Variants in JAM2 observed in about 807,000 individuals in gnomAD.
JAM2 encodes junctional adhesion molecule 2.
Under a neutral mutation model 42.0 loss-of-function variants are expected in JAM2, and 17 were observed. The ratio of observed to expected loss-of-function variants is 0.40; its 90% CI spans 0.28 to 0.61. The LOEUF is 0.61. JAM2 is among the 20% of genes least tolerant of loss of function. The pLI is 0.37. For missense variants in JAM2, 319 were observed against 358.3 expected (o/e 0.89, Z 0.89); for synonymous variants, 118 against 128.6 (o/e 0.92, Z 0.56).
At chr21:25,652,132 T>C (rs2069832112) in intron 1 of JAM2, among the ~76,000 whole-genome samples, 1 of 152,160 alleles carries the variant, frequency 6.6e-6, no homozygotes, top group African/African-American at 2.4e-5. Flanking sequence ...ACACTTGTAA[T>C]CCCCATACTT....
Position 25,698,663 on chromosome 21 carries a change from C to T in JAM2, c.395-14C>T. On this transcript the variant is annotated splice_polypyrimidine_tract_variant and intron_variant, in intron 4 of 9. Transcript: ENST00000480456. ...CTTATAAATAATCAATATCATTTGA[C>T]TTCCATTGTTCAGTGGCTCCAGCAG... 1 of 1,607,168 alleles carries T rather than the reference C, an allele frequency of 6.2e-7. No individual in the cohort carries two copies. The highest frequency in any genetic ancestry group is 1.1e-5 in the South Asian group (1 of 90,444).
intron 1 of JAM2, among the ~76,000 whole-genome samples, chr21:25,678,792 A>G (rs2033559273): frequency 6.6e-6 from 1 of 152,184 alleles, no homozygotes; most frequent in Non-Finnish European, 1.5e-5. Context: ...TTTGTGTCCC[A>G]CAGACTTTTG....
At chr21:25,675,837 T>C (rs1231627838) in intron 1 of JAM2, among the ~76,000 whole-genome samples, 1 of 152,142 alleles carries the variant, frequency 6.6e-6, no homozygotes, top group Non-Finnish European at 1.5e-5. Flanking sequence ...GGGACACAGA[T>C]CTAAACCATA....
At chr21:25,660,280 T>C (rs1373163287) in intron 1 of JAM2, among the ~76,000 whole-genome samples, 2 of 152,132 alleles carry the variant, frequency 1.3e-5, no homozygotes, top group Non-Finnish European at 2.9e-5. Context: ...AGATGATAGA[T>C]TTTACTTTTA....
At chr21:25,672,038 G>C (rs1376417953) in intron 1 of JAM2, among the ~76,000 whole-genome samples, 2 of 152,078 alleles carry the variant, frequency 1.3e-5, no homozygotes, top group Non-Finnish European at 2.9e-5. Flanking sequence ...TAGCGTGGGA[G>C]GTGGAGAGAG....
chr21:25,710,133 G>T (rs1168269362), intron 8 of JAM2: 1 of 152,084 alleles, frequency 6.6e-6, no homozygotes, highest in Non-Finnish European at 1.5e-5. Context: ...AAGAAATATG[G>T]TCACTAATTT....
In JAM2 at chr21:25,646,880, T is replaced by G. The variant is rs1267518169; in HGVS notation, c.67+6992T>G. Among the ~76,000 whole-genome samples the G allele has an allele frequency of 2.6e-5, 4 of 152,210 alleles. No individual in the cohort carries two copies. The East Asian group carries it at 7.7e-4, about 29-fold the overall frequency. On this transcript the variant is annotated intron_variant, in intron 1 of 9. Transcript: ENST00000480456. Reference sequence around the variant, plus strand: ...TTTTACTGGAGAGCTCTGCTTTTCTTTATCGCATGTCATCAGCATCAAATT... The same window carrying G: ...TTTTACTGGAGAGCTCTGCTTTTCTGTATCGCATGTCATCAGCATCAAATT...
rs552579871 is a variant in JAM2 at position 25,673,574 on chromosome 21, C to T, written c.68-10309C>T. Among the ~76,000 whole-genome samples, 22 of 152,074 alleles carry T rather than the reference C, an allele frequency of 1.4e-4. No homozygotes were observed. The East Asian group carries it at 3.9e-3, about 27-fold the overall frequency. On this transcript the variant is annotated intron_variant, in intron 1 of 9. Coordinates refer to ENST00000480456, the MANE Select transcript of JAM2 (RefSeq NM_021219.4). ...ACTCTCTGAATAATATCTTTACAACCCTAAAGGTTGAAAATGGCTATGAAG... is the reference window on the plus strand; with the variant it reads ...ACTCTCTGAATAATATCTTTACAACTCTAAAGGTTGAAAATGGCTATGAAG...
chr21:25,709,194 T>G (rs2034333602), intron 7 of JAM2, among the ~76,000 whole-genome samples: 1 of 150,216 alleles, frequency 6.7e-6, no homozygotes, highest in Non-Finnish European at 1.5e-5. Flanking sequence ...GTTTGGAAAT[T>G]TGTTTGCTCT....
At chr21:25,654,669 AT>A (rs201372398) in intron 1 of JAM2, among the ~76,000 whole-genome samples, 2 of 148,870 alleles carry the variant, frequency 1.3e-5, no homozygotes. Flanking sequence ...AAAAAAAAAA[AT>A]TGGAAGCACA....
chr21:25,678,181 G>T (rs113640736), intron 1 of JAM2, among the ~76,000 whole-genome samples: 2,242 of 152,222 alleles, frequency 0.015, 58 homozygotes, highest in African/African-American at 0.051. Context: ...AGCCGAGATT[G>T]CACCATTGCA....
intron 2 of JAM2, among the ~76,000 whole-genome samples, chr21:25,686,329 A>G (rs1326500721): frequency 6.6e-6 from 1 of 152,166 alleles, no homozygotes; most frequent in African/African-American, 2.4e-5. Flanking sequence ...CCATCATTCC[A>G]GTTTTGGCTC....
At chr21:25,701,749 A>G (rs2034170965) in intron 5 of JAM2, among the ~76,000 whole-genome samples, 1 of 152,222 alleles carries the variant, frequency 6.6e-6, no homozygotes, top group African/African-American at 2.4e-5. Flanking sequence ...TGGCTGCTGC[A>G]GTGAACTCGC....
At chr21:25,666,341 T>TATTATTATTATTATTATTATTA (rs1568896123) in intron 1 of JAM2, among the ~76,000 whole-genome samples, 1 of 151,372 alleles carries the variant, frequency 6.6e-6, no homozygotes, top group African/African-American at 2.4e-5. Context: ...TTATTATTAT[T>TATTATTATTATTATTATTATTA]TGAGAAGGAG....
At position 25,654,425 on chromosome 21, in the gene JAM2, G is replaced by T. The variant is rs1017971514; in HGVS notation, c.67+14537G>T. Among the ~76,000 whole-genome samples, 4 of 152,178 alleles carry T rather than the reference G, an allele frequency of 2.6e-5. No individual in the cohort carries two copies. The East Asian group carries it at 7.7e-4, about 29-fold the overall frequency. ...GCACTTTGGGAGGCTGAGATGGGTG[G>T]ATTACTTGAGGTCAGGAGTTGAGAC... On this transcript the variant is annotated intron_variant, in intron 1 of 9. Coordinates refer to ENST00000480456, the MANE Select transcript of JAM2 (RefSeq NM_021219.4).
At chr21:25,648,258 A>T (rs188248033) in intron 1 of JAM2, among the ~76,000 whole-genome samples, 1 of 152,252 alleles carries the variant, frequency 6.6e-6, no homozygotes, top group Non-Finnish European at 1.5e-5. Context: ...ATGGATTTTG[A>T]TCAGAAGCAG....
chr21:25,702,112 A>T, intron 5 of JAM2, 58 bp from the exon 6 acceptor site: 1 of 904,316 alleles, frequency 1.1e-6, no homozygotes, highest in East Asian at 2.6e-5. Flanking sequence ...AGGGTTATTT[A>T]AAAAGTCTAC....
chr21:25,713,025 G>A (rs923419305), intron 9 of JAM2, among the ~76,000 whole-genome samples: 4 of 152,186 alleles, frequency 2.6e-5, no homozygotes, highest in African/African-American at 9.7e-5. Flanking sequence ...ACTTCCTGCT[G>A]TGTCCTCACA....
intron 1 of JAM2, chr21:25,643,353 G>A (rs912928787): frequency 6.6e-6 from 1 of 152,224 alleles, no homozygotes; most frequent in African/African-American, 2.4e-5. Flanking sequence ...AGCTGATCAT[G>A]AATCAGTTCC....
Sources: allele counts gnomAD v4.1 joint callset (sites outside exome capture counted in the v4.1 genomes callset), GRCh38; gene constraint gnomAD v4.1.1; transcripts MANE v1.5; gene names NCBI Gene and HGNC (gene_info 2026-07-23, HGNC 2026-07-21).